ZMYND8: variants seen among roughly 807,000 people sequenced by gnomAD.
The protein encoded by ZMYND8 is zinc finger MYND-type containing 8.
ZMYND8 carries 37 observed loss-of-function variants against 140.8 expected under a neutral mutation model. The ratio of observed to expected loss-of-function variants is 0.26; its 90% CI spans 0.20 to 0.35. The LOEUF (loss-of-function observed/expected upper bound fraction) is 0.35, where lower values mean the gene tolerates loss of function less well. Among genes scored for constraint, ZMYND8 ranks in the 10% least tolerant of loss-of-function variants. ZMYND8 has a pLI of 1.00. For synonymous variants in ZMYND8, 592 were observed against 597.1 expected (o/e 0.99, Z 0.12); for missense variants, 1,068 against 1,570.0 (o/e 0.68, Z 5.40).
chr20:47,273,020 G>T (rs529036669), intron 11 of ZMYND8, among the ~76,000 whole-genome samples: 1 of 152,304 alleles, frequency 6.6e-6, no homozygotes, highest in East Asian at 1.9e-4. Context: ...AACAGGTATG[G>T]ATGCAGAATC....
chr20:47,341,951 G>A (rs1018580304), intron 2 of ZMYND8, among the ~76,000 whole-genome samples: 8 of 151,346 alleles, frequency 5.3e-5, no homozygotes, highest in Non-Finnish European at 7.4e-5. Flanking sequence ...TGCAGTGAGC[G>A]GAGATCGCGC....
rs149341630 is a variant in ZMYND8, at chr20:47,285,913, G to A, written c.804+1316C>T. On this transcript the variant is annotated intron_variant, in intron 8 of 22. Transcript: ENST00000471951. ...CTACATAAATATACAGACATAAGCCGGGCTTGGTGGCTGAGGCCTATATTC... is the reference window on the plus strand; with the variant it reads ...CTACATAAATATACAGACATAAGCCAGGCTTGGTGGCTGAGGCCTATATTC... 2.4e-3 allele frequency: 2,143 copies of A among 893,700 alleles called. 7 individuals carry two copies. In the Admixed American group the frequency reaches 0.025, roughly 11 times the overall value. The allele number at this position is 893,700 out of a possible 1,614,324, so 55.4% of individuals were successfully genotyped here.
At chr20:47,288,891 C>T (rs935273502) in intron 7 of ZMYND8, among the ~76,000 whole-genome samples, 1 of 152,168 alleles carries the variant, frequency 6.6e-6, no homozygotes, top group Non-Finnish European at 1.5e-5. Flanking sequence ...CACTTGAGGT[C>T]AGGAGTTCGA....
intron 18 of ZMYND8, among the ~76,000 whole-genome samples, chr20:47,226,054 G>A (rs1288298821): frequency 6.6e-6 from 1 of 151,712 alleles, no homozygotes; most frequent in African/African-American, 2.4e-5. Context: ...GGGAGGCTGA[G>A]GCATGAAAAT....
chr20:47,348,214 C>A (rs2082490180), intron 1 of ZMYND8: 2 of 417,654 alleles, frequency 4.8e-6, no homozygotes, highest in Non-Finnish European at 8.9e-6. Context: ...TTACAACCTA[C>A]CCCTGTGGGC....
chr20:47,250,153 G>C (rs536157343), intron 12 of ZMYND8, among the ~76,000 whole-genome samples: 20 of 152,134 alleles, frequency 1.3e-4, no homozygotes, highest in African/African-American at 4.6e-4. Flanking sequence ...AGAGGCCTCT[G>C]GGGGGTGACT....
chr20:47,305,187 T>C (rs1363799197), intron 3 of ZMYND8, among the ~76,000 whole-genome samples: 1 of 151,332 alleles, frequency 6.6e-6, no homozygotes, highest in Non-Finnish European at 1.5e-5. Context: ...AAGGCTGTAG[T>C]AAGCCACAAT....
chr20:47,267,855 T>C (rs1431681265), intron 11 of ZMYND8, among the ~76,000 whole-genome samples: 1 of 152,192 alleles, frequency 6.6e-6, no homozygotes. Flanking sequence ...GGGAAGGCTT[T>C]CACGCCCACC....
rs1601120361 is a variant in ZMYND8, at chr20:47,237,794, G to A, written c.2665+964C>T. ...GAACCCAGCCTTTGAGGATCTAGAT[G>A]CAGGTTTCCTGGTAGAAAGATCTAC... On this transcript the variant is annotated intron_variant, in intron 15 of 22. Coordinates refer to ENST00000471951, the MANE Select transcript of ZMYND8 (RefSeq NM_001281775.3). 3 of 152,242 alleles carry A rather than the reference G, an allele frequency of 2.0e-5. No homozygotes were observed. In the South Asian group the frequency reaches 6.2e-4, roughly 32 times the overall value. 9.4% of individuals were successfully genotyped at this position (152,242 alleles called of 1,614,324 possible). A position where few individuals can be genotyped will look rare whatever the true frequency, so the allele number is the denominator to read the frequency against.
intron 16 of ZMYND8, among the ~76,000 whole-genome samples, chr20:47,231,989 G>A (rs2038551974): frequency 6.6e-6 from 1 of 152,186 alleles, no homozygotes. Flanking sequence ...TCCACTCCAG[G>A]TCAACTCAGA....
chr20:47,259,587 C>T (rs950668261), intron 12 of ZMYND8, among the ~76,000 whole-genome samples: 8 of 152,144 alleles, frequency 5.3e-5, no homozygotes, highest in Non-Finnish European at 8.8e-5. Flanking sequence ...CCCTCTCTTT[C>T]TGAAACCCCC....
chr20:47,236,583 T>C, intron 15 of ZMYND8, 67 bp from the exon 16 acceptor site: 3 of 1,438,350 alleles, frequency 2.1e-6, no homozygotes, highest in Middle Eastern at 1.8e-4. Flanking sequence ...AGCTGTGGTG[T>C]AGAAGCAAAG....
At chr20:47,300,145 G>A (rs2077917560) in intron 3 of ZMYND8, among the ~76,000 whole-genome samples, 1 of 152,136 alleles carries the variant, frequency 6.6e-6, no homozygotes, top group African/African-American at 2.4e-5. Flanking sequence ...TCACTCAGGA[G>A]AAACTCATAA....
chr20:47,267,925 C>T (rs1364913510), intron 11 of ZMYND8, among the ~76,000 whole-genome samples: 3 of 152,172 alleles, frequency 2.0e-5, no homozygotes, highest in African/African-American at 4.8e-5. Context: ...ATCACCTCCT[C>T]GAAGGCCTCC....
At chr20:47,295,618 A>G (rs2077587464) in intron 4 of ZMYND8, among the ~76,000 whole-genome samples, 1 of 152,188 alleles carries the variant, frequency 6.6e-6, no homozygotes, top group Non-Finnish European at 1.5e-5. Flanking sequence ...AATACGTATG[A>G]CTTCATTGTC....
intron 13 of ZMYND8, among the ~76,000 whole-genome samples, chr20:47,246,766 T>C (rs1300367636): frequency 6.6e-6 from 1 of 152,202 alleles, no homozygotes; most frequent in Non-Finnish European, 1.5e-5. Flanking sequence ...ATTTTAAATT[T>C]ATATGGCACT....
chr20:47,334,110 C>A (rs2081197414), intron 2 of ZMYND8, among the ~76,000 whole-genome samples: 1 of 152,114 alleles, frequency 6.6e-6, no homozygotes, highest in African/African-American at 2.4e-5. Context: ...TTGACTCTCT[C>A]ATGTAATTTA....
intron 3 of ZMYND8, among the ~76,000 whole-genome samples, chr20:47,307,253 C>A (rs370385336): frequency 2.0e-5 from 3 of 151,810 alleles, no homozygotes; most frequent in Non-Finnish European, 4.4e-5. Flanking sequence ...GAGTTTGAGA[C>A]CAGCCTGGCC....
intron 2 of ZMYND8, among the ~76,000 whole-genome samples, chr20:47,347,240 C>T (rs114891112): frequency 7.6e-4 from 116 of 152,264 alleles, no homozygotes; most frequent in African/African-American, 2.6e-3. Context: ...TTTTGGGAAG[C>T]CTCATAAAAT....
Sources: gnomAD v4.1 joint callset for allele counts (sites outside exome capture counted in the v4.1 genomes callset) on GRCh38, gnomAD v4.1.1 for gene constraint, MANE v1.5 for transcripts, NCBI Gene and HGNC (gene_info 2026-07-23, HGNC 2026-07-21) for gene names.